The following NUDC variants were observed in gnomAD, a reference collection of about 807,000 sequenced individuals.
The protein encoded by NUDC is nuclear distribution C, dynein complex regulator, also known as nuclear migration protein nudC.
NUDC carries 14 observed loss-of-function variants against 45.0 expected under a neutral mutation model. The observed-to-expected ratio is 0.31, with a 90% CI of 0.21 to 0.49. The LOEUF (loss-of-function observed/expected upper bound fraction) is 0.49. Among genes scored for constraint, NUDC ranks in the 20% least tolerant of loss-of-function variants. The pLI is 0.99. For missense variants in NUDC, 323 were observed against 426.2 expected (o/e 0.76, Z 2.13); for synonymous variants, 153 against 156.7 (o/e 0.98, Z 0.17).
At chr1:26,914,113 G>C in intron 3 of NUDC, 2 of 518,048 alleles carry the variant, frequency 3.9e-6, no homozygotes, top group Non-Finnish European at 6.1e-6. Context: ...TGGTGGGGAA[G>C]TGGTGGGGGA....
At chr1:26,914,560 C>T (rs1025620126) in intron 3 of NUDC, among the ~76,000 whole-genome samples, 2 of 152,160 alleles carry the variant, frequency 1.3e-5, no homozygotes, top group African/African-American at 4.8e-5. Flanking sequence ...CCTCTGATTC[C>T]AGTTCTGGGC....
chr1:26,912,111 G>T (rs2082031416), intron 3 of NUDC: 12 of 1,612,008 alleles, frequency 7.4e-6, no homozygotes, highest in Non-Finnish European at 8.5e-6. Flanking sequence ...GGAGAAGAGG[G>T]CTGGTGAGCA....
intron 2 of NUDC, among the ~76,000 whole-genome samples, chr1:26,938,291 C>CT (rs1188546474): frequency 6.6e-6 from 1 of 152,178 alleles, no homozygotes; most frequent in Non-Finnish European, 1.5e-5. Context: ...TAGCTCTGCC[C>CT]TTGCTTAACC....
intron 2 of NUDC, among the ~76,000 whole-genome samples, chr1:26,933,254 ATTC>A (rs1570734604): frequency 6.6e-6 from 1 of 151,120 alleles, no homozygotes; most frequent in Admixed American, 6.6e-5. Flanking sequence ...TTTTAAATCT[ATTC>A]TTCTGCTGAT....
intron 3 of NUDC, chr1:26,911,882 A>G (rs2082028775): frequency 1.2e-6 from 2 of 1,614,148 alleles, no homozygotes; most frequent in South Asian, 2.2e-5. Flanking sequence ...AAGGCCAGCG[A>G]TGTCAACATC....
intron 2 of NUDC, among the ~76,000 whole-genome samples, chr1:26,936,291 G>A (rs11808133): frequency 0.039 from 5,367 of 138,334 alleles, 333 homozygotes; most frequent in African/African-American, 0.14. Flanking sequence ...CTGGGTTCAA[G>A]CAATTCTCCT....
intron 2 of NUDC, among the ~76,000 whole-genome samples, chr1:26,908,947 G>A (rs1261794910): frequency 6.6e-6 from 1 of 150,478 alleles, no homozygotes; most frequent in Non-Finnish European, 1.5e-5. Context: ...GGCTGGTCTT[G>A]AACTCCGACC....
intron 3 of NUDC, chr1:26,911,789 G>C: frequency 6.2e-7 from 1 of 1,612,220 alleles, no homozygotes. Context: ...GGATGGCCAG[G>C]CTGAATCAGC....
rs148845287 is a variant in NUDC at position 26,942,938 on chromosome 1, G to A, written c.614G>A (p.Arg205Gln). 393 of 1,614,072 alleles carry A rather than the reference G, an allele frequency of 2.4e-4. 3 individuals carry two copies. The highest frequency in any genetic ancestry group is 1.7e-3 in the Admixed American group (101 of 60,012). The change falls in exon 6 of 9, where the codon CGG becomes CAG. Residue 205 changes from arginine (R) to glutamine (Q), a missense_variant. Arg to Gln is a conservative substitution (Grantham distance 43). Around this residue, in one of 3 missense-constraint regions of NUDC, gnomAD observed 245 missense variants for 278.8 expected, o/e 0.88. Coordinates refer to ENST00000321265, the MANE Select transcript of NUDC (RefSeq NM_006600.4). ...GACATGGTGGTGGACATCCAGCGGC[G>A]GCACCTCCGGGTGGGGCTCAAGGGG... ...GKDMVVDIQR[R>Q]HLRVGLKGQP...
At position 26,945,637 on chromosome 1, in the gene NUDC, ATGGGGC is replaced by A. The variant is rs2082312127; in HGVS notation, c.898_903del (p.Gly300_Leu301del). ...GATGTATGACCAGCGACAGAAGTCC[ATGGGGC>A]TGCCAACTTCAGACGAACAGAAGAA... On this transcript the variant is annotated inframe_deletion, in exon 8 of 9. Transcript: ENST00000321265. The A allele has an allele frequency of 6.2e-7, 1 of 1,614,084 alleles. No individual in the cohort carries two copies. Among genetic ancestry groups the A allele is most frequent in the Non-Finnish European group, 8.5e-7 (1 of 1,180,042 alleles).
chr1:26,913,841 G>C lies in NUDC; in HGVS notation c.93+2606G>C, dbSNP rs74315349. On this transcript the variant is annotated intron_variant, in intron 3 of 6. Coordinates refer to the NUDC transcript ENST00000435827. ...CTACATAGGCAGCGGCTACGGGGTCGGGGGACAGCCTTGAGGCTGGAGCTC... is the reference window on the plus strand; with the variant it reads ...CTACATAGGCAGCGGCTACGGGGTCCGGGGACAGCCTTGAGGCTGGAGCTC... 1.4e-4 allele frequency: 217 copies of C among 1,509,228 alleles called. No homozygotes were observed. The highest frequency in any genetic ancestry group is 1.5e-4 in the Non-Finnish European group (172 of 1,127,966). The allele number at this position is 1,509,228 out of a possible 1,614,324, so 93.5% of individuals were successfully genotyped here. A position where few individuals can be genotyped will look rare whatever the true frequency, so the allele number is the denominator to read the frequency against.
At chr1:26,920,759 A>G (rs1228536681), upstream of NUDC, among the ~76,000 whole-genome samples, 1 of 142,864 alleles carries the variant, frequency 7.0e-6, no homozygotes, top group Non-Finnish European at 1.5e-5. Flanking sequence ...CTCTACCAAA[A>G]AACAAAAAAC....
chr1:26,943,052 T>C lies in NUDC; in HGVS notation c.728T>C (p.Val243Ala). The change falls in exon 6 of 9, where the codon GTG becomes GCG. Residue 243 changes from valine (V) to alanine (A), a missense_variant. Physicochemically the swap from Val to Ala is moderately conservative, Grantham distance 64. Around this residue, in one of 3 missense-constraint regions of NUDC, gnomAD observed 245 missense variants for 278.8 expected, o/e 0.88. Transcript: ENST00000321265. ...WLIEDGKVVT[V>A]HLEKINKMEW... ...ATTGAGGACGGCAAGGTGGTGACTG[T>C]GCATCTGGAGAAGGTATGTGAGGCC... The C allele has an allele frequency of 1.2e-6, 2 of 1,614,052 alleles. No homozygotes were observed. Among genetic ancestry groups the C allele is most frequent in the Non-Finnish European group, 1.7e-6 (2 of 1,180,006 alleles).
upstream of NUDC, among the ~76,000 whole-genome samples, chr1:26,920,779 A>AC (rs955058087): frequency 4.1e-4 from 60 of 147,216 alleles, 1 homozygote; most frequent in Admixed American, 3.7e-3. Context: ...CAAAAAACAA[A>AC]AAAAAAAAAA....
chr1:26,933,228 C>T (rs946547342), intron 2 of NUDC, among the ~76,000 whole-genome samples: 2 of 151,956 alleles, frequency 1.3e-5, no homozygotes, highest in Non-Finnish European at 1.5e-5. Flanking sequence ...CCACCGCGCC[C>T]GGCCACAATT....
rs752016799 is a variant in NUDC, at chr1:26,945,382, C to G, written c.742-8C>G. On this transcript the variant is annotated splice_region_variant and splice_polypyrimidine_tract_variant and intron_variant, in intron 6 of 8. Transcript: ENST00000321265. ...CCACCTCCCACCCTCTGGTTGTTCT[C>G]TTCACAGATCAATAAGATGGAGTGG... The G allele has an allele frequency of 2.5e-6, 4 of 1,613,644 alleles. No homozygotes were observed. The highest frequency in any genetic ancestry group is 3.4e-6 in the Non-Finnish European group (4 of 1,179,628).
chr1:26,946,005 T>G, intron 8 of NUDC, 125 bp from the exon 9 acceptor site: 1 of 943,474 alleles, frequency 1.1e-6, no homozygotes, highest in Admixed American at 1.8e-5. Context: ...TGGGCCCTGC[T>G]CCTGCCCAGC....
At chr1:26,927,468 G>A (rs2082143946) in intron 2 of NUDC, among the ~76,000 whole-genome samples, 1 of 149,698 alleles carries the variant, frequency 6.7e-6, no homozygotes, top group African/African-American at 2.5e-5. Flanking sequence ...AGCGATCTCA[G>A]CTCACTGCAA....
At chr1:26,922,737 C>G (rs1264753323) in intron 1 of NUDC, among the ~76,000 whole-genome samples, 1 of 152,168 alleles carries the variant, frequency 6.6e-6, no homozygotes, top group Non-Finnish European at 1.5e-5. Context: ...CAGTGTGCTT[C>G]CCAGAGTCCA....
Sources: allele counts gnomAD v4.1 joint callset (sites outside exome capture counted in the v4.1 genomes callset), GRCh38; gene constraint gnomAD v4.1.1; regional missense constraint gnomAD v4.1.1; transcripts MANE v1.5; gene names NCBI Gene and HGNC (gene_info 2026-07-23, HGNC 2026-07-21).